Variants in VCAN observed in about 807,000 individuals in gnomAD.
VCAN encodes the protein versican core protein.
VCAN carries 44 observed loss-of-function variants against 245.5 expected under a neutral mutation model. The ratio of observed to expected loss-of-function variants is 0.18; its 90% CI spans 0.14 to 0.23. VCAN has a LOEUF of 0.23. Among genes scored for constraint, VCAN ranks in the 10% least tolerant of loss-of-function variants. VCAN has a pLI of 1.00. For missense variants in VCAN, 3,793 were observed against 4,057.9 expected, an observed-to-expected ratio of 0.93 and a Z score of 1.77; for synonymous variants, 1,413 against 1,437.0, an observed-to-expected ratio of 0.98 and a Z score of 0.38.
At chr5:83,578,779 A>G (rs1414735195) in intron 13 of VCAN, among the ~76,000 whole-genome samples, 1 of 152,126 alleles carries the variant, frequency 6.6e-6, no homozygotes, top group African/African-American at 2.4e-5. Context: ...AGCAATAGAA[A>G]TTTCCACTTA....
chr5:83,533,249 G>A (rs1746587671), intron 7 of VCAN, among the ~76,000 whole-genome samples: 1 of 152,148 alleles, frequency 6.6e-6, no homozygotes, highest in Non-Finnish European at 1.5e-5. Flanking sequence ...TTGAAGGCAA[G>A]TCAGATCAAA....
rs942707739 is a variant in VCAN at position 83,538,060 on chromosome 5, C to T, written c.5057C>T (p.Ala1686Val). 6.2e-7 allele frequency: 1 copy of T among 1,614,054 alleles called. No homozygotes were observed. The highest frequency in any genetic ancestry group is 1.1e-5 in the South Asian group (1 of 91,088). The stretch of plus-strand genomic sequence containing the variant: ...ACAGAAAGCTTTTTTGAGGTTCCTG[C>T]AACCACCATTTATCCAGTTTCTGAA... ...IITESFFEVP[A>V]TTIYPVSEQP... Residue 1686 changes from alanine (A) to valine (V), a missense_variant, in exon 8 of 15, where the codon GCA becomes GTA. By Grantham distance (64) the Ala-to-Val change is moderately conservative. This residue lies in a region of VCAN where 3,182 missense variants were observed against 3,250.3 expected (regional missense o/e 0.98). Transcript: ENST00000265077.
In VCAN at chr5:83,541,914, G is replaced by A. The variant is rs1207415714; in HGVS notation, c.8911G>A (p.Ala2971Thr). The change falls in exon 8 of 15, where the codon GCT (alanine) becomes ACT (threonine). Residue 2971 changes from alanine to threonine, a missense_variant. Ala to Thr is a moderately conservative substitution (Grantham distance 58). This residue lies in a region of VCAN where 3,182 missense variants were observed against 3,250.3 expected (regional missense o/e 0.98). Transcript: ENST00000265077. ...TGCCGATGAAATTGAATTAGAAGGT[G>A]CTACACAGTGGCCACACTCTACTTC... The part of the protein sequence containing the change: ...TTADEIELEG[A>T]TQWPHSTSAS... The A allele has an allele frequency of 6.2e-7, 1 of 1,613,948 alleles. No homozygotes were observed. Among genetic ancestry groups the A allele is most frequent in the Non-Finnish European group, 8.5e-7 (1 of 1,179,996 alleles).
In VCAN at chr5:83,519,777, G is replaced by C; in HGVS notation, c.1471G>C (p.Glu491Gln). Residue 491 changes from glutamate (E) to glutamine (Q), a missense_variant, in exon 7 of 15, where the codon GAA becomes CAA. Physicochemically the swap from Glu to Gln is conservative, Grantham distance 29. This residue lies in a region of VCAN where 3,182 missense variants were observed against 3,250.3 expected (regional missense o/e 0.98). Coordinates refer to ENST00000265077, the MANE Select transcript of VCAN (RefSeq NM_004385.5). Reference sequence around the variant, plus strand: ...AACACAAGAATCGGTTACACAGATTGAACAAATAGAAGTGGGTCCTTTGGT... The same window carrying C: ...AACACAAGAATCGGTTACACAGATTCAACAAATAGAAGTGGGTCCTTTGGT... ...KQTQESVTQI[E>Q]QIEVGPLVTS... 1 of 1,614,128 alleles carries C rather than the reference G, an allele frequency of 6.2e-7. No homozygotes were observed. The highest frequency in any genetic ancestry group is 8.5e-7 in the Non-Finnish European group (1 of 1,179,980).
At chr5:83,502,082 ATTGT>A (rs1745345959) in intron 5 of VCAN, among the ~76,000 whole-genome samples, 1 of 151,778 alleles carries the variant, frequency 6.6e-6, no homozygotes, top group African/African-American at 2.4e-5. Flanking sequence ...AATTTTTTTG[ATTGT>A]TTATTACAAG....
At chr5:83,534,160 G>A (rs1365795182) in intron 7 of VCAN, 2 of 146,002 alleles carry the variant, frequency 1.4e-5, no homozygotes, top group African/African-American at 5.1e-5. Context: ...CAACATACTT[G>A]ACAGAACTTC....
In VCAN at chr5:83,582,060, G is replaced by T. The variant is rs1326387319; in HGVS notation, c.*1626G>T. The T allele has an allele frequency of 6.6e-6, 1 of 151,792 alleles. No individual in the cohort carries two copies. The highest frequency in any genetic ancestry group is 1.5e-5 in the Non-Finnish European group (1 of 67,992). 9.4% of individuals were successfully genotyped at this position (151,792 alleles called of 1,614,324 possible). A position where few individuals can be genotyped will look rare whatever the true frequency, so the allele number is the denominator to read the frequency against. ...TATGTTTAAGCAGGTTCCCTTGGTT[G>T]TTGCATTAAATGTAATCCACCTTTA... On this transcript the variant is annotated 3_prime_UTR_variant, in exon 15 of 15. Transcript: ENST00000265077.
chr5:83,536,796 T>C, intron 7 of VCAN: 1 of 468,808 alleles, frequency 2.1e-6, no homozygotes, highest in East Asian at 3.5e-5. Flanking sequence ...CCTGTTTTAA[T>C]AATGTTAAAT....
intron 10 of VCAN, among the ~76,000 whole-genome samples, chr5:83,551,277 A>G (rs1747456820): frequency 6.6e-6 from 1 of 152,140 alleles, no homozygotes; most frequent in African/African-American, 2.4e-5. Context: ...CTGGGAGGCC[A>G]AGGCAGGTGG....
intron 7 of VCAN, among the ~76,000 whole-genome samples, chr5:83,524,039 G>A (rs983521083): frequency 2.6e-5 from 4 of 152,110 alleles, no homozygotes; most frequent in African/African-American, 9.7e-5. Context: ...AATAAGTTGA[G>A]TTGAATAATA....
In VCAN at chr5:83,521,484, G is replaced by A; in HGVS notation, c.3178G>A (p.Val1060Ile). 1.9e-6 allele frequency: 3 copies of A among 1,614,084 alleles called. No homozygotes were observed. Among genetic ancestry groups the A allele is most frequent in the Non-Finnish European group, 1.7e-6 (2 of 1,180,000 alleles). Residue 1060 changes from valine to isoleucine, a missense_variant, in exon 7 of 15, where the codon GTA becomes ATA. Around this residue, in one of 5 missense-constraint regions of VCAN, gnomAD observed 3,182 missense variants for 3,250.3 expected, o/e 0.98. Transcript: ENST00000265077. The part of the protein sequence containing the change: ...SSTAWTPKEA[V>I]TPLDEQEGDG... Reference sequence around the variant, plus strand: ...TACAGCTTGGACTCCCAAGGAGGCAGTAACACCACTGGATGAACAAGAGGG... The same window carrying A: ...TACAGCTTGGACTCCCAAGGAGGCAATAACACCACTGGATGAACAAGAGGG...
intron 6 of VCAN, among the ~76,000 whole-genome samples, chr5:83,518,993 A>G (rs1017638950): frequency 9.2e-5 from 14 of 152,210 alleles, no homozygotes; most frequent in African/African-American, 2.7e-4. Context: ...AGTTTCTGGT[A>G]AATAAACAAT....
rs186544077 is a variant in VCAN, at chr5:83,519,763, C to G, written c.1457C>G (p.Ser486Trp). 6.2e-7 allele frequency: 1 copy of G among 1,614,118 alleles called. No homozygotes were observed. The highest frequency in any genetic ancestry group is 1.1e-5 in the South Asian group (1 of 91,082). Residue 486 changes from serine to tryptophan, a missense_variant, in exon 7 of 15, where the codon TCG (serine) becomes TGG (tryptophan). Transcript: ENST00000265077. ...GVVEDKQTQE[S>W]VTQIEQIEVG... ...GTGGAAGATAAACAAACACAAGAAT[C>G]GGTTACACAGATTGAACAAATAGAA...
chr5:83,579,350 G>C (rs1257698661), intron 13 of VCAN, among the ~76,000 whole-genome samples: 1 of 152,008 alleles, frequency 6.6e-6, no homozygotes, highest in Non-Finnish European at 1.5e-5. Flanking sequence ...TGCAACCTCC[G>C]CCTCCCAGGT....
Position 83,574,473 on chromosome 5 carries a change from C to T in VCAN, c.9880+1913C>T, listed in dbSNP as rs899544706. On this transcript the variant is annotated intron_variant, in intron 13 of 14. Coordinates refer to ENST00000265077, the MANE Select transcript of VCAN (RefSeq NM_004385.5). Reference sequence around the variant, plus strand: ...CATGATATAACTATCCTGCATACAACCAAAAATGCACTAATCCCTTCCCTA... The same window carrying T: ...CATGATATAACTATCCTGCATACAATCAAAAATGCACTAATCCCTTCCCTA... 3.9e-5 allele frequency among the ~76,000 whole-genome samples: 6 copies of T among 152,124 alleles called. No homozygotes were observed. In the South Asian group the frequency reaches 1.2e-3, roughly 31 times the overall value.
intron 2 of VCAN, among the ~76,000 whole-genome samples, chr5:83,485,451 A>G (rs1179337299): frequency 6.6e-6 from 1 of 152,038 alleles, no homozygotes; most frequent in African/African-American, 2.4e-5. Flanking sequence ...TGCAGTAGGA[A>G]GTATTGAAGG....
In VCAN at chr5:83,541,686, G is replaced by C. The variant is rs202198791; in HGVS notation, c.8683G>C (p.Asp2895His). ...AACTGAGCCTCCCTCTTTATCTCCTGACACAAAATTAGAACCTTCAGAAGA... is the reference window on the plus strand; with the variant it reads ...AACTGAGCCTCCCTCTTTATCTCCTCACACAAAATTAGAACCTTCAGAAGA... Reference protein sequence around the residue: ...HITEPPSLSPDTKLEPSEDDG... With the variant: ...HITEPPSLSPHTKLEPSEDDG... Residue 2895 changes from aspartate (D) to histidine (H), a missense_variant, in exon 8 of 15, where the codon GAC becomes CAC. Coordinates refer to ENST00000265077, the MANE Select transcript of VCAN (RefSeq NM_004385.5). 1.8e-4 allele frequency: 289 copies of C among 1,613,852 alleles called. 4 individuals carry two copies. The East Asian group carries it at 5.5e-3, about 31-fold the overall frequency.
At chr5:83,495,099 T>C (rs896889917) in intron 5 of VCAN, among the ~76,000 whole-genome samples, 1 of 152,202 alleles carries the variant, frequency 6.6e-6, no homozygotes, top group Non-Finnish European at 1.5e-5. Flanking sequence ...TAGATAATAG[T>C]GTTAAATTAA....
In VCAN at chr5:83,558,172, T is replaced by A. The variant is rs77656434; in HGVS notation, c.9735+3134T>A. Among the ~76,000 whole-genome samples, 1,279 of 152,270 alleles carry A rather than the reference T, an allele frequency of 8.4e-3. 17 individuals carry two copies. The highest frequency in any genetic ancestry group is 0.032 in the East Asian group (165 of 5,178). Reference sequence around the variant, plus strand: ...AGCCTAGGTGTCCCTTAAACTCGTTTGTAGTTTTTTCTACAGTCACCATCC... The same window carrying A: ...AGCCTAGGTGTCCCTTAAACTCGTTAGTAGTTTTTTCTACAGTCACCATCC... On this transcript the variant is annotated intron_variant, in intron 12 of 14. Coordinates refer to ENST00000265077, the MANE Select transcript of VCAN (RefSeq NM_004385.5).
Sources: gnomAD v4.1 joint callset for allele counts (sites outside exome capture counted in the v4.1 genomes callset) on GRCh38, gnomAD v4.1.1 for gene constraint, gnomAD v4.1.1 regional missense constraint, MANE v1.5 for transcripts, NCBI Gene and HGNC (gene_info 2026-07-23, HGNC 2026-07-21) for gene names.